The following NR2F6 variants were observed in gnomAD, a reference collection of about 807,000 sequenced individuals.
NR2F6 encodes nuclear receptor subfamily 2 group F member 6.
In NR2F6, 16 loss-of-function variants were observed where a neutral mutation model predicts 26.5. The observed-to-expected ratio is 0.60, with a 90% CI of 0.41 to 0.92. The LOEUF is 0.92. Ranked by LOEUF, NR2F6 falls within the 40% of genes least tolerant of loss-of-function variation. The probability of loss-of-function intolerance (pLI) is 0.00; values close to 1 mark genes in which losing one functional copy is unlikely to be tolerated. For synonymous variants in NR2F6, 325 were observed against 305.0 expected, an observed-to-expected ratio of 1.07 and a Z score of -0.68; for missense variants, 536 against 631.7, an observed-to-expected ratio of 0.85 and a Z score of 1.62.
At position 17,235,657 on chromosome 19, in the gene NR2F6, G is replaced by A. The variant is rs892530940; in HGVS notation, c.782C>T (p.Ala261Val). The A allele has an allele frequency of 6.6e-7, 1 of 1,520,464 alleles. No homozygotes were observed. The highest frequency in any genetic ancestry group is 8.8e-7 in the Non-Finnish European group (1 of 1,141,886). 94.2% of individuals were successfully genotyped at this position (1,520,464 alleles called of 1,614,324 possible). A position where few individuals can be genotyped will look rare whatever the true frequency, so the allele number is the denominator to read the frequency against. The change falls in exon 3 of 4, where the codon GCC becomes GTC. Residue 261 changes from alanine (A) to valine (V), a missense_variant. By Grantham distance (64) the Ala-to-Val change is moderately conservative (BLOSUM62 0). Transcript: ENST00000291442. This position sits in a 1 kb window ranked among gnomAD's most constrained non-coding sequence, Gnocchi z 5.0. Reference sequence around the variant, plus strand: ...AGGCGCGGCGTGGAGGCCGGCGGCGGCCAGTAGCGGCGCCGTGTGCAGGGG... The same window carrying A: ...AGGCGCGGCGTGGAGGCCGGCGGCGACCAGTAGCGGCGCCGTGTGCAGGGG... ...ALPLHTAPLL[A>V]AAGLHAAPMA...
chr19:17,231,990 C>A lies in NR2F6; in HGVS notation c.*362G>T. The A allele has an allele frequency of 3.5e-6, 1 of 286,586 alleles. No homozygotes were observed. Among genetic ancestry groups the A allele is most frequent in the Non-Finnish European group, 6.6e-6 (1 of 151,352 alleles). The allele number at this position is 286,586 out of a possible 1,614,324, so 17.8% of individuals were successfully genotyped here. A position where few individuals can be genotyped will look rare whatever the true frequency, so the allele number is the denominator to read the frequency against. On this transcript the variant is annotated 3_prime_UTR_variant, in exon 4 of 4. Transcript: ENST00000291442. Reference sequence around the variant, plus strand: ...CTGGCACACGCTAGCTACCCCTGCCCACTGGAGCAGCCCCTCTGGCCGACG... The same window carrying A: ...CTGGCACACGCTAGCTACCCCTGCCAACTGGAGCAGCCCCTCTGGCCGACG...
chr19:17,237,263 T>A (rs73508096), intron 2 of NR2F6, among the ~76,000 whole-genome samples: 4,002 of 152,174 alleles, frequency 0.026, 143 homozygotes, highest in African/African-American at 0.084. Context: ...CCAGGAAGCT[T>A]CCTCCCGCTT....
At chr19:17,239,806 G>A (rs568592994) in intron 2 of NR2F6, among the ~76,000 whole-genome samples, 141 of 152,048 alleles carry the variant, frequency 9.3e-4, no homozygotes, top group Middle Eastern at 3.4e-3. Context: ...AAGATGGAGC[G>A]AGACTCCATC....
Position 17,236,023 on chromosome 19 carries a change from A to T in NR2F6, c.416T>A (p.Val139Glu). 7.6e-7 allele frequency: 1 copy of T among 1,323,106 alleles called. No homozygotes were observed. The highest frequency in any genetic ancestry group is 9.6e-7 in the Non-Finnish European group (1 of 1,038,660). 82.0% of individuals were successfully genotyped at this position (1,323,106 alleles called of 1,614,324 possible). A position where few individuals can be genotyped will look rare whatever the true frequency, so the allele number is the denominator to read the frequency against. ...GRIPHSLPGA[V>E]AASSGSPPGS... ...CGGGGGGCTGCCCGAGGAGGCGGCC[A>T]CGGCACCAGGCAGCGAGTGCGGGAT... The change falls in exon 3 of 4, where the codon GTG becomes GAG. Residue 139 changes from valine to glutamate, a missense_variant. Transcript: ENST00000291442.
At position 17,245,346 on chromosome 19, in the gene NR2F6, C is replaced by T. The variant is rs535034980; in HGVS notation, c.-126G>A. The stretch of plus-strand genomic sequence containing the variant: ...GCGCGGGGGGCACGGGCTGCACCCC[C>T]CAAAAAAGTTTTGCAGCAACTTCCT... On this transcript the variant is annotated 5_prime_UTR_variant, in exon 1 of 4. Transcript: ENST00000291442. This position sits in a 1 kb window ranked among gnomAD's most constrained non-coding sequence, Gnocchi z 5.0. 4.2e-4 allele frequency: 369 copies of T among 871,154 alleles called. 4 individuals carry two copies. In the African/African-American group the frequency reaches 4.8e-3, roughly 11 times the overall value. The allele number at this position is 871,154 out of a possible 1,614,324, so 54.0% of individuals were successfully genotyped here.
At chr19:17,243,972 G>A (rs2145569676) in intron 1 of NR2F6, among the ~76,000 whole-genome samples, 1 of 152,260 alleles carries the variant, frequency 6.6e-6, no homozygotes, top group East Asian at 1.9e-4. Context: ...GCATGTTCCT[G>A]GGGTGCAGAG....
chr19:17,245,038 G>C lies in NR2F6; in HGVS notation c.183C>G (p.Asp61Glu). Reference sequence around the variant, plus strand: ...CACCGTAATGCTTGCCGCTCGACTTGTCCCCGCACACCACGCAGTCCACCT... The same window carrying C: ...CACCGTAATGCTTGCCGCTCGACTTCTCCCCGCACACCACGCAGTCCACCT... ...GLQVDCVVCGDKSSGKHYGVF... is the reference protein window; with the variant it reads ...GLQVDCVVCGEKSSGKHYGVF... The change falls in exon 1 of 4, where the codon GAC becomes GAG. Residue 61 changes from aspartate to glutamate, a missense_variant. Asp to Glu is a conservative substitution (Grantham distance 45). Coordinates refer to ENST00000291442, the MANE Select transcript of NR2F6 (RefSeq NM_005234.4). The surrounding 1 kb of genome is among the most constrained non-coding windows in gnomAD (Gnocchi z 5.0). 6.2e-7 allele frequency: 1 copy of C among 1,603,180 alleles called. No homozygotes were observed. The highest frequency in any genetic ancestry group is 8.5e-7 in the Non-Finnish European group (1 of 1,175,504).
At chr19:17,243,832 GCCC>G (rs756252984) in intron 1 of NR2F6, among the ~76,000 whole-genome samples, 3 of 152,064 alleles carry the variant, frequency 2.0e-5, no homozygotes, top group Non-Finnish European at 4.4e-5. Flanking sequence ...CCCCCACAGT[GCCC>G]CCAACTCGGG....
In NR2F6 at chr19:17,232,324, GGC is replaced by G. The variant is rs376921513; in HGVS notation, c.*26_*27del. 3 of 1,613,546 alleles carry G rather than the reference GGC, an allele frequency of 1.9e-6. No homozygotes were observed. Among genetic ancestry groups the G allele is most frequent in the African/African-American group, 2.7e-5 (2 of 75,052 alleles). ...TCCCTTGAGGTCTGTCTGCAGGCCT[GGC>G]CACAGCACACGTGGCCCCGTCATGG... On this transcript the variant is annotated 3_prime_UTR_variant, in exon 4 of 4. Coordinates refer to ENST00000291442, the MANE Select transcript of NR2F6 (RefSeq NM_005234.4).
Position 17,244,972 on chromosome 19 carries a change from G to A in NR2F6, c.249C>T (p.Ser83=). ...CEGCKSFFKR[S]IRRNLSYTCR... ...AGGTGTAGCTGAGGTTGCGGCGGAT[G>A]CTTCGCTTGAAAAAGCTCTTGCAGC... Residue 83 remains serine (S), a synonymous_variant, in exon 1 of 4, where the codon AGC becomes AGT. Coordinates refer to ENST00000291442, the MANE Select transcript of NR2F6 (RefSeq NM_005234.4). The A allele has an allele frequency of 1.3e-6, 2 of 1,569,796 alleles. No individual in the cohort carries two copies. Among genetic ancestry groups the A allele is most frequent in the East Asian group, 2.3e-5 (1 of 42,980 alleles).
Position 17,245,404 on chromosome 19 carries a change from C to T in NR2F6, c.-184G>A, listed in dbSNP as rs2073493176. The T allele has an allele frequency of 7.5e-6, 3 of 402,346 alleles. No homozygotes were observed. Among genetic ancestry groups the T allele is most frequent in the Admixed American group, 5.2e-5 (1 of 19,416 alleles). The allele number at this position is 402,346 out of a possible 1,614,324, so 24.9% of individuals were successfully genotyped here. On this transcript the variant is annotated 5_prime_UTR_variant, in exon 1 of 4. Transcript: ENST00000291442. This position sits in a 1 kb window ranked among gnomAD's most constrained non-coding sequence, Gnocchi z 5.0. ...GTCCTCGCGCCCGGGCGGAACTGGT[C>T]GGGCCGGTTCCAGGCCAACTTTCCC...
Position 17,232,516 on chromosome 19 carries a change from C to A in NR2F6, c.1051G>T (p.Gly351Trp). Residue 351 changes from glycine to tryptophan, a missense_variant, in exon 4 of 4, where the codon GGG becomes TGG. Transcript: ENST00000291442. ...GCGGGGAGCCGCAGCAGCAGGCGCC[C>A]GAAGCGCTGGGGCTGGGACGGGTAC... The part of the protein sequence containing the change: ...AQYPSQPQRF[G>W]RLLLRLPALR... 1 of 1,610,820 alleles carries A rather than the reference C, an allele frequency of 6.2e-7. No homozygotes were observed.
At chr19:17,243,761 G>A (rs1298704194) in intron 1 of NR2F6, among the ~76,000 whole-genome samples, 2 of 152,164 alleles carry the variant, frequency 1.3e-5, no homozygotes. Context: ...CCTTCCATCA[G>A]CCGTTCTCCC....
At position 17,232,598 on chromosome 19, in the gene NR2F6, G is replaced by A. The variant is rs369688906; in HGVS notation, c.969C>T (p.His323=). The A allele has an allele frequency of 3.8e-6, 6 of 1,559,038 alleles. No homozygotes were observed. Among genetic ancestry groups the A allele is most frequent in the East Asian group, 4.5e-5 (2 of 44,412 alleles). ...GCGCCTTCTCCTGCAGGCTCTCAACGTGGGCCGGGTCTGAGAGGCCACAGG... is the reference window on the plus strand; with the variant it reads ...GCGCCTTCTCCTGCAGGCTCTCAACATGGGCCGGGTCTGAGAGGCCACAGG... ...PDACGLSDPA[H]VESLQEKAQV... Residue 323 remains histidine, a synonymous_variant, in exon 4 of 4, where the codon CAC becomes CAT. Coordinates refer to ENST00000291442, the MANE Select transcript of NR2F6 (RefSeq NM_005234.4).
At chr19:17,242,560 A>ACC (rs533684012) in intron 1 of NR2F6, among the ~76,000 whole-genome samples, 1 of 151,616 alleles carries the variant, frequency 6.6e-6, no homozygotes, top group Non-Finnish European at 1.5e-5. Context: ...ACTCCCCCGT[A>ACC]CCCCCCCTCC....
chr19:17,240,720 G>A lies in NR2F6; in HGVS notation c.324C>T (p.Cys108=). The A allele has an allele frequency of 1.2e-6, 2 of 1,614,194 alleles. No individual in the cohort carries two copies. Among genetic ancestry groups the A allele is most frequent in the Non-Finnish European group, 1.7e-6 (2 of 1,180,030 alleles). The change falls in exon 2 of 4, where the codon TGC becomes TGT. Residue 108 remains cysteine (C), a synonymous_variant. Coordinates refer to ENST00000291442, the MANE Select transcript of NR2F6 (RefSeq NM_005234.4). ...CQIDQHHRNQ[C]QYCRLKKCFR... is the part of the protein sequence containing the mutation. ...AGCACTTCTTGAGACGGCAGTACTGGCACTGGTTCCGGTGGTGCTGGTCGA... is the reference window on the plus strand; with the variant it reads ...AGCACTTCTTGAGACGGCAGTACTGACACTGGTTCCGGTGGTGCTGGTCGA...
chr19:17,245,181 C>T lies in NR2F6; in HGVS notation c.40G>A (p.Asp14Asn), dbSNP rs1411687671. The T allele has an allele frequency of 7.2e-7, 1 of 1,397,632 alleles. No homozygotes were observed. The highest frequency in any genetic ancestry group is 2.6e-4 in the Middle Eastern group (1 of 3,816). The allele number at this position is 1,397,632 out of a possible 1,614,324, so 86.6% of individuals were successfully genotyped here. A position where few individuals can be genotyped will look rare whatever the true frequency, so the allele number is the denominator to read the frequency against. Residue 14 changes from aspartate (D) to asparagine (N), a missense_variant, in exon 1 of 4, where the codon GAC becomes AAC. Coordinates refer to ENST00000291442, the MANE Select transcript of NR2F6 (RefSeq NM_005234.4). The surrounding 1 kb of genome is among the most constrained non-coding windows in gnomAD (Gnocchi z 5.0). Reference protein sequence around the residue: ...VTGGWGGPGGDTNGVDKAGGY... With the variant: ...VTGGWGGPGGNTNGVDKAGGY... ...CCCGCCTTGTCCACGCCGTTCGTGT[C>T]GCCGCCGGGGCCGCCCCAGCCGCCG...
chr19:17,233,483 C>T (rs923399679), intron 3 of NR2F6, among the ~76,000 whole-genome samples: 4 of 152,192 alleles, frequency 2.6e-5, no homozygotes, highest in Admixed American at 2.0e-4. Context: ...CCAACTCATG[C>T]CTTTGGCAGG....
Position 17,232,532 on chromosome 19 carries a change from G to A in NR2F6, c.1035C>T (p.Ser345=), listed in dbSNP as rs1214379800. 1 of 1,609,514 alleles carries A rather than the reference G, an allele frequency of 6.2e-7. No homozygotes were observed. Residue 345 remains serine (S), a synonymous_variant, in exon 4 of 4, where the codon TCC becomes TCT. Transcript: ENST00000291442. ...LTEYVRAQYP[S]QPQRFGRLLL... is the part of the protein sequence containing the mutation. The stretch of plus-strand genomic sequence containing the variant: ...GCAGGCGCCCGAAGCGCTGGGGCTG[G>A]GACGGGTACTGCGCCCGCACATACT...
Sources: allele counts gnomAD v4.1 joint callset (sites outside exome capture counted in the v4.1 genomes callset), GRCh38; gene constraint gnomAD v4.1.1; non-coding constraint Gnocchi (gnomAD v3.1); transcripts MANE v1.5; gene names NCBI Gene and HGNC (gene_info 2026-07-23, HGNC 2026-07-21).